TMEM150C: variants seen among roughly 807,000 people sequenced by gnomAD.
TMEM150C encodes the protein tentonin 3.
Under a neutral mutation model 29.9 loss-of-function variants are expected in TMEM150C, and 10 were observed. The observed-to-expected ratio is 0.33, with a 90% confidence interval of 0.21 to 0.57. The LOEUF is 0.57. TMEM150C is among the 20% of genes least tolerant of loss of function. TMEM150C has a pLI of 0.88. For synonymous variants in TMEM150C, 101 were observed against 112.5 expected (o/e 0.90, Z 0.64); for missense variants, 251 against 303.6 (o/e 0.83, Z 1.29).
chr4:82,510,014 G>A (rs1033772203), intron 1 of TMEM150C, among the ~76,000 whole-genome samples: 1 of 152,082 alleles, frequency 6.6e-6, no homozygotes, highest in African/African-American at 2.4e-5. Flanking sequence ...AAATGGAAAA[G>A]TAAAGCCCAA....
chr4:82,530,305 C>A (rs1217479967), intron 1 of TMEM150C, among the ~76,000 whole-genome samples: 1 of 152,022 alleles, frequency 6.6e-6, no homozygotes, highest in Non-Finnish European at 1.5e-5. Flanking sequence ...AGCCTGTAAT[C>A]CCAGCACTTT....
chr4:82,542,036 G>A (rs1385262055), intron 1 of TMEM150C, among the ~76,000 whole-genome samples: 3 of 152,134 alleles, frequency 2.0e-5, no homozygotes, highest in Non-Finnish European at 4.4e-5. Flanking sequence ...ACAAAACAAG[G>A]ACAGTTTTCC....
intron 1 of TMEM150C, among the ~76,000 whole-genome samples, chr4:82,519,569 G>A (rs1264250898): frequency 6.6e-6 from 1 of 152,064 alleles, no homozygotes; most frequent in Non-Finnish European, 1.5e-5. Context: ...TGGGATCACA[G>A]GCACGTGTGA....
At chr4:82,494,353 T>C (rs2110064781) in intron 6 of TMEM150C, among the ~76,000 whole-genome samples, 1 of 152,302 alleles carries the variant, frequency 6.6e-6, no homozygotes, top group Non-Finnish European at 1.5e-5. Flanking sequence ...GCTTAAAGGT[T>C]GTGACCTTGG....
At chr4:82,555,179 T>C (rs936616150) in intron 1 of TMEM150C, among the ~76,000 whole-genome samples, 7 of 152,246 alleles carry the variant, frequency 4.6e-5, no homozygotes, top group African/African-American at 1.4e-4. Flanking sequence ...TTTTGTCATA[T>C]GAAATTCTTA....
At chr4:82,507,986 G>C (rs1723994971) in intron 1 of TMEM150C, among the ~76,000 whole-genome samples, 1 of 151,910 alleles carries the variant, frequency 6.6e-6, no homozygotes, top group South Asian at 2.1e-4. Context: ...GAGCTCAAAT[G>C]ATCCACCCAC....
chr4:82,511,424 T>C (rs1724118873), intron 1 of TMEM150C, among the ~76,000 whole-genome samples: 1 of 151,782 alleles, frequency 6.6e-6, no homozygotes. Flanking sequence ...GCCAGTGACC[T>C]AAGGATTCTT....
At position 82,495,019 on chromosome 4, in the gene TMEM150C, G is replaced by A. The variant is rs974719227; in HGVS notation, c.363+1049C>T. 1.6e-5 allele frequency: 17 copies of A among 1,056,918 alleles called. No homozygotes were observed. The South Asian group carries it at 2.3e-4, about 14-fold the overall frequency. The allele number at this position is 1,056,918 out of a possible 1,614,324, so 65.5% of individuals were successfully genotyped here. ...CACTGCTTCTTCAGAGCAATAGGCT[G>A]CTGTTTGTGCTGCAGGACACGTGGA... On this transcript the variant is annotated intron_variant, in intron 6 of 7. Coordinates refer to ENST00000449862, the MANE Select transcript of TMEM150C (RefSeq NM_001080506.3).
At chr4:82,487,673 C>T (rs1560477985) in intron 7 of TMEM150C, among the ~76,000 whole-genome samples, 2 of 152,124 alleles carry the variant, frequency 1.3e-5, no homozygotes, top group African/African-American at 2.4e-5. Flanking sequence ...CTTAAATGTT[C>T]TCTATCTAAT....
chr4:82,505,857 A>C (rs187957682), intron 1 of TMEM150C, among the ~76,000 whole-genome samples: 7 of 152,350 alleles, frequency 4.6e-5, no homozygotes, highest in Admixed American at 3.3e-4. Context: ...AGTATTAAAC[A>C]TAAAGAAATA....
rs539351082 is a variant in TMEM150C, at chr4:82,495,382, A to C, written c.363+686T>G. On this transcript the variant is annotated intron_variant, in intron 6 of 7. Transcript: ENST00000449862. ...CTTGAACCCGGGAGGCGGAGGTTGC[A>C]GTAAGCTGAGATCTCGCCACTGCGC... 1.6e-5 allele frequency: 4 copies of C among 252,996 alleles called. No individual in the cohort carries two copies. The East Asian group carries it at 4.0e-4, about 25-fold the overall frequency. The allele number at this position is 252,996 out of a possible 1,614,324, so 15.7% of individuals were successfully genotyped here.
chr4:82,503,665 A>G (rs1195544774), intron 2 of TMEM150C, among the ~76,000 whole-genome samples: 2 of 152,140 alleles, frequency 1.3e-5, no homozygotes, highest in Non-Finnish European at 1.5e-5. Flanking sequence ...CCTGGCTAAC[A>G]TGGTGAAACC....
chr4:82,522,698 G>A (rs1027738552), intron 1 of TMEM150C, among the ~76,000 whole-genome samples: 1 of 152,206 alleles, frequency 6.6e-6, no homozygotes, highest in Non-Finnish European at 1.5e-5. Context: ...AATGTGATTT[G>A]CAGTTAGGAA....
chr4:82,545,089 AC>A (rs1725328659), intron 1 of TMEM150C, among the ~76,000 whole-genome samples: 2 of 152,172 alleles, frequency 1.3e-5, no homozygotes, highest in Non-Finnish European at 2.9e-5. Flanking sequence ...TAAAGATGTA[AC>A]AAAAAAAGAA....
At chr4:82,536,419 C>T (rs11735602) in intron 1 of TMEM150C, among the ~76,000 whole-genome samples, 48,773 of 144,018 alleles carry the variant, frequency 0.34, 10,843 homozygotes, top group African/African-American at 0.64. Flanking sequence ...AATTTTTAAA[C>T]GGGGAAAAAA....
chr4:82,561,801 G>T (rs1473834800), intron 1 of TMEM150C, 105 bp downstream of exon 1: 3 of 839,754 alleles, frequency 3.6e-6, no homozygotes, highest in East Asian at 2.5e-4. Context: ...CCGCGCTGCA[G>T]CCCCCGCCGT....
intron 7 of TMEM150C, among the ~76,000 whole-genome samples, chr4:82,486,653 G>T (rs1032576999): frequency 3.3e-5 from 5 of 152,106 alleles, no homozygotes; most frequent in African/African-American, 1.2e-4. Context: ...GGAATGCTGA[G>T]GTGGGAAGAT....
At chr4:82,535,193 G>T (rs1323117139) in intron 1 of TMEM150C, among the ~76,000 whole-genome samples, 1 of 152,124 alleles carries the variant, frequency 6.6e-6, no homozygotes. Context: ...AGTTGATTTG[G>T]CTCATAGTCC....
Position 82,490,178 on chromosome 4 carries a change from A to G in TMEM150C, c.424T>C (p.Leu142=), listed in dbSNP as rs759851449. The G allele has an allele frequency of 6.2e-6, 10 of 1,613,932 alleles. No individual in the cohort carries two copies. In the African/African-American group the frequency reaches 1.2e-4, roughly 19 times the overall value. Residue 142 remains leucine (L), a synonymous_variant, in exon 7 of 8, where the codon TTG becomes CTG. Transcript: ENST00000449862. ...GTSLTFGFGT[L]TCWIQAALTL... is the part of the protein sequence containing the mutation. ...AGCGCAGCCTGGATCCAGCAGGTCA[A>G]TGTGCCAAATCCAAAGGTCAAGGAA...
Sources: gnomAD v4.1 joint callset for allele counts (sites outside exome capture counted in the v4.1 genomes callset) on GRCh38, gnomAD v4.1.1 for gene constraint, MANE v1.5 for transcripts, NCBI Gene and HGNC (gene_info 2026-07-23, HGNC 2026-07-21) for gene names.